The following GANC variants were observed in gnomAD, a reference collection of about 807,000 sequenced individuals.
The protein encoded by GANC is neutral alpha-glucosidase C.
Under a neutral mutation model 124.2 loss-of-function variants are expected in GANC, and 117 were observed. The ratio of observed to expected loss-of-function variants is 0.94; its 90% CI spans 0.81 to 1.10. GANC has a LOEUF of 1.10. Among genes scored for constraint, GANC ranks in the 50% least tolerant of loss-of-function variants. The pLI, the probability that GANC is intolerant of heterozygous loss-of-function variation, is 0.00. For synonymous variants in GANC, 377 were observed against 376.8 expected (o/e 1.00, Z -0.01); for missense variants, 1,140 against 1,095.0 (o/e 1.04, Z -0.58).
rs1250494529 is a variant in GANC, at chr15:42,281,142, AATAT to A, written c.201+2553_201+2556del. On this transcript the variant is annotated intron_variant, in intron 3 of 23. Coordinates refer to ENST00000318010, the MANE Select transcript of GANC (RefSeq NM_198141.3). ...ACAAACTCCATGCTCAGGTATTAGA[AATAT>A]CAGAACCACATAGGGAATCTGCATG... 3 of 702,114 alleles carry A rather than the reference AATAT, an allele frequency of 4.3e-6. No homozygotes were observed. In the African/African-American group the frequency reaches 5.2e-5, roughly 12 times the overall value. 43.5% of individuals were successfully genotyped at this position (702,114 alleles called of 1,614,324 possible).
chr15:42,336,073 T>C (rs1364947523), intron 15 of GANC, among the ~76,000 whole-genome samples: 2 of 151,762 alleles, frequency 1.3e-5, no homozygotes, highest in African/African-American at 4.8e-5. Context: ...GTGCTATTCC[T>C]GTCAAACTAC....
intron 3 of GANC, among the ~76,000 whole-genome samples, chr15:42,286,450 CAG>C (rs2051789480): frequency 1.3e-5 from 2 of 152,150 alleles, no homozygotes; most frequent in African/African-American, 2.4e-5. Context: ...CATAATCTAA[CAG>C]AATTTGAACT....
intron 5 of GANC, among the ~76,000 whole-genome samples, chr15:42,297,052 G>A (rs2051899119): frequency 6.6e-6 from 1 of 151,970 alleles, no homozygotes; most frequent in Admixed American, 6.6e-5. Flanking sequence ...ATACAACTAT[G>A]GGTGGAAGAA....
chr15:42,299,003 TACAA>T (rs2051918882), intron 6 of GANC, among the ~76,000 whole-genome samples: 2 of 152,264 alleles, frequency 1.3e-5, no homozygotes, highest in Non-Finnish European at 2.9e-5. Flanking sequence ...TCATGTCGTC[TACAA>T]ACAGAGACAA....
At chr15:42,308,171 T>C (rs1399639968) in intron 7 of GANC, 51 bp from the exon 8 acceptor site, 1 of 1,193,570 alleles carries the variant, frequency 8.4e-7, no homozygotes, top group Admixed American at 1.9e-5. Context: ...CTGAATCTCC[T>C]TAAGTGAGTG....
At chr15:42,336,106 A>G (rs2052280789) in intron 15 of GANC, among the ~76,000 whole-genome samples, 2 of 151,538 alleles carry the variant, frequency 1.3e-5, no homozygotes, top group Admixed American at 1.3e-4. Flanking sequence ...TCACAAAACT[A>G]GAAAAAACTA....
intron 3 of GANC, chr15:42,281,208 C>T (rs755849354): frequency 2.3e-5 from 15 of 660,152 alleles, no homozygotes; most frequent in Admixed American, 4.6e-5. Flanking sequence ...ATACATATTT[C>T]GGGAGATCAC....
At chr15:42,278,454 C>T (rs959746419) in intron 2 of GANC, 28 bp from the exon 3 acceptor site, 1 of 1,412,430 alleles carries the variant, frequency 7.1e-7, no homozygotes, top group Non-Finnish European at 9.9e-7. Flanking sequence ...AAATAATTAT[C>T]AAGCATCTGC....
In GANC at chr15:42,351,715, A is replaced by T. The variant is rs367685809; in HGVS notation, c.2635+283A>T. 1.1e-4 allele frequency among the ~76,000 whole-genome samples: 17 copies of T among 152,304 alleles called. No individual in the cohort carries two copies. In the South Asian group the frequency reaches 2.1e-3, roughly 19 times the overall value. The stretch of plus-strand genomic sequence containing the variant: ...TTGTTTAAACTATAGCTGCCTGAAG[A>T]CCTGGAAAATCCTACCCATGTGTTT... On this transcript the variant is annotated intron_variant, in intron 23 of 23. Transcript: ENST00000318010.
Position 42,324,886 on chromosome 15 carries a change from G to C in GANC, c.1294-1412G>C, listed in dbSNP as rs1208238979. On this transcript the variant is annotated intron_variant, in intron 11 of 23. Transcript: ENST00000318010. ...CTGGAGATTGACTACACAACATTAT[G>C]ACTGTACATACTTAACAGTACTAAA... Among the ~76,000 whole-genome samples, 5 of 152,228 alleles carry C rather than the reference G, an allele frequency of 3.3e-5. No individual in the cohort carries two copies. In the East Asian group the frequency reaches 9.6e-4, roughly 29 times the overall value.
chr15:42,308,296 TCA>T lies in GANC; in HGVS notation c.704_705del (p.His235ProfsTer3). The T allele has an allele frequency of 6.2e-7, 1 of 1,607,450 alleles. No homozygotes were observed. The highest frequency in any genetic ancestry group is 8.5e-7 in the Non-Finnish European group (1 of 1,174,748). ...HLYGIPQHAESHQLKNTGDGD... is the reference protein window; with the variant it reads ...HLYGIPQHAEXHQLKNTGDGD... ...TTATGGGATCCCACAACATGCAGAA[TCA>T]CACCAACTTAAAAATACTGGGTAAG... On this transcript the variant is annotated frameshift_variant, in exon 8 of 24. Transcript: ENST00000318010. LOFTEE classifies it high-confidence loss of function.
chr15:42,285,845 G>C (rs902354465), intron 3 of GANC, among the ~76,000 whole-genome samples: 1 of 152,086 alleles, frequency 6.6e-6, no homozygotes, highest in Non-Finnish European at 1.5e-5. Context: ...CTAAATTTCA[G>C]AGTGATTTTT....
At chr15:42,321,474 A>C (rs763772194) in intron 10 of GANC, among the ~76,000 whole-genome samples, 1 of 152,160 alleles carries the variant, frequency 6.6e-6, no homozygotes, top group Non-Finnish European at 1.5e-5. Context: ...ACCAGGTTTT[A>C]TCTCCTCTGT....
chr15:42,298,331 G>A (rs955005595), intron 6 of GANC, among the ~76,000 whole-genome samples: 3 of 152,118 alleles, frequency 2.0e-5, no homozygotes, highest in Non-Finnish European at 4.4e-5. Context: ...AAGACACGCA[G>A]GGCAGTGCTG....
intron 15 of GANC, among the ~76,000 whole-genome samples, chr15:42,334,127 A>T (rs971211491): frequency 6.6e-6 from 1 of 151,732 alleles, no homozygotes; most frequent in Non-Finnish European, 1.5e-5. Context: ...AAAGCTAAAA[A>T]TACAACCTAA....
chr15:42,274,489 C>A lies in GANC; in HGVS notation c.8C>A (p.Ala3Glu). The A allele has an allele frequency of 2.5e-6, 4 of 1,610,866 alleles. No homozygotes were observed. The highest frequency in any genetic ancestry group is 3.4e-6 in the Non-Finnish European group (4 of 1,178,726). The change falls in exon 1 of 24, where the codon GCA becomes GAA. Residue 3 changes from alanine (A) to glutamate (E), a missense_variant. Ala to Glu is a moderately radical substitution (Grantham distance 107). Transcript: ENST00000318010. Reference protein sequence around the residue: MEAAVKEEISLED... With the variant: MEEAVKEEISLED... ...CGGAGTGACAGAGAAGCCATGGAAG[C>A]AGCAGTGAAAGAGGAAATAAGGTAA...
intron 19 of GANC, chr15:42,343,512 C>T: frequency 5.0e-6 from 1 of 201,946 alleles, no homozygotes; most frequent in East Asian, 1.3e-4. Context: ...AGTGACTTTG[C>T]TCTTTGGTCT....
In GANC at chr15:42,284,388, G is replaced by A. The variant is rs114972599; in HGVS notation, c.202-3303G>A. Reference sequence around the variant, plus strand: ...AAATATCTGGTATTTTCGCCTATATGGCCATTAAAAAAACTAGATTTGTGG... The same window carrying A: ...AAATATCTGGTATTTTCGCCTATATAGCCATTAAAAAAACTAGATTTGTGG... On this transcript the variant is annotated intron_variant, in intron 3 of 23. Coordinates refer to ENST00000318010, the MANE Select transcript of GANC (RefSeq NM_198141.3). 5.7e-3 allele frequency: 977 copies of A among 171,686 alleles called. 7 individuals are homozygous for A. Among genetic ancestry groups the A allele is most frequent in the African/African-American group, 0.023 (951 of 42,062 alleles). 10.6% of individuals were successfully genotyped at this position (171,686 alleles called of 1,614,324 possible). A position where few individuals can be genotyped will look rare whatever the true frequency, so the allele number is the denominator to read the frequency against.
chr15:42,276,356 A>T lies in GANC; in HGVS notation c.38A>T (p.Asp13Val), dbSNP rs1347399433. 6.9e-7 allele frequency: 1 copy of T among 1,448,904 alleles called. No individual in the cohort carries two copies. Among genetic ancestry groups the T allele is most frequent in the Non-Finnish European group, 9.7e-7 (1 of 1,033,360 alleles). The allele number at this position is 1,448,904 out of a possible 1,614,324, so 89.8% of individuals were successfully genotyped here. A position where few individuals can be genotyped will look rare whatever the true frequency, so the allele number is the denominator to read the frequency against. ...AATGTCTTTTTATTTAGTCTTGAAG[A>T]TGAAGCTGTAGATAAAAACATTTTC... ...AAVKEEISLE[D>V]EAVDKNIFRD... The change falls in exon 2 of 24, where the codon GAT becomes GTT. Residue 13 changes from aspartate to valine, a missense_variant. Transcript: ENST00000318010.
Sources: gnomAD v4.1 joint callset for allele counts (sites outside exome capture counted in the v4.1 genomes callset) on GRCh38, gnomAD v4.1.1 for gene constraint, MANE v1.5 for transcripts, NCBI Gene and HGNC (gene_info 2026-07-23, HGNC 2026-07-21) for gene names.